Variants in CFAP46 observed in about 807,000 individuals in gnomAD.
CFAP46 encodes cilia- and flagella-associated protein 46.
Under a neutral mutation model 325.7 loss-of-function variants are expected in CFAP46, and 245 were observed. The ratio of observed to expected loss-of-function variants is 0.75; its 90% confidence interval spans 0.68 to 0.84. The LOEUF (loss-of-function observed/expected upper bound fraction) is 0.84. Ranked by LOEUF, CFAP46 falls within the 40% of genes least tolerant of loss-of-function variation. The pLI is 0.00. For missense variants in CFAP46, 3,346 were observed against 3,543.0 expected, an observed-to-expected ratio of 0.94 and a Z score of 1.41; for synonymous variants, 1,523 against 1,495.9, an observed-to-expected ratio of 1.02 and a Z score of -0.42.
intron 35 of CFAP46, among the ~76,000 whole-genome samples, chr10:132,863,479 A>G (rs1848753096): frequency 6.6e-6 from 1 of 152,114 alleles, no homozygotes; most frequent in African/African-American, 2.4e-5. Flanking sequence ...CCTGGTGTGC[A>G]CACACCCGTC....
At chr10:132,840,451 T>C (rs1343949151) in intron 44 of CFAP46, among the ~76,000 whole-genome samples, 3 of 152,246 alleles carry the variant, frequency 2.0e-5, no homozygotes, top group African/African-American at 7.2e-5. Flanking sequence ...TGATGTTGTA[T>C]TGATTTGTCC....
intron 54 of CFAP46, among the ~76,000 whole-genome samples, chr10:132,813,842 G>C (rs548555882): frequency 6.6e-6 from 1 of 152,328 alleles, no homozygotes; most frequent in African/African-American, 2.4e-5. Context: ...AGGGCATCTG[G>C]GGGGCAGAGT....
rs1033636137 is a variant in CFAP46, at chr10:132,816,403, C to G, written c.7118-1489G>C. Among the ~76,000 whole-genome samples the G allele has an allele frequency of 2.1e-3, 309 of 149,062 alleles. 5 individuals carry two copies. The highest frequency in any genetic ancestry group is 1.0e-4 in the Non-Finnish European group (7 of 67,568). On this transcript the variant is annotated intron_variant, in intron 50 of 57. Coordinates refer to ENST00000368586, the MANE Select transcript of CFAP46 (RefSeq NM_001200049.3). ...CTGGAGTGCAGTGGCGCGATCTCGGCTCACTGCAAGCTCCACCTCCCGGGT... is the reference window on the plus strand; with the variant it reads ...CTGGAGTGCAGTGGCGCGATCTCGGGTCACTGCAAGCTCCACCTCCCGGGT...
chr10:132,909,141 G>C lies in CFAP46; in HGVS notation c.2753C>G (p.Ala918Gly). Reference protein sequence around the residue: ...GLMDFTVPSLAQLVKMASECN... With the variant: ...GLMDFTVPSLGQLVKMASECN... Reference sequence around the variant, plus strand: ...GGGACCCCTGGGGACACCTACCTGGGCCAGGGAGGGGACAGTGAAGTCCAT... The same window carrying C: ...GGGACCCCTGGGGACACCTACCTGGCCCAGGGAGGGGACAGTGAAGTCCAT... Residue 918 changes from alanine to glycine, a missense_variant, in exon 21 of 58, where the codon GCC (alanine) becomes GGC (glycine). By Grantham distance (60) the Ala-to-Gly change is moderately conservative. Coordinates refer to ENST00000368586, the MANE Select transcript of CFAP46 (RefSeq NM_001200049.3). 4 of 1,547,942 alleles carry C rather than the reference G, an allele frequency of 2.6e-6. No individual in the cohort carries two copies. Among genetic ancestry groups the C allele is most frequent in the Non-Finnish European group, 3.5e-6 (4 of 1,145,628 alleles).
At chr10:132,908,362 G>T in intron 22 of CFAP46, 106 bp downstream of exon 22, 1 of 1,363,850 alleles carries the variant, frequency 7.3e-7, no homozygotes, top group Non-Finnish European at 1.0e-6. Flanking sequence ...TGCCCGTTTT[G>T]GGGAACTGGT....
At chr10:132,871,625 A>C (rs566570440) in intron 32 of CFAP46, among the ~76,000 whole-genome samples, 6 of 152,372 alleles carry the variant, frequency 3.9e-5, no homozygotes, top group African/African-American at 1.4e-4. Context: ...CAAGAGAAGT[A>C]GAATCAGAAG....
At chr10:132,822,701 G>C (rs1565036556) in intron 50 of CFAP46, among the ~76,000 whole-genome samples, 1 of 135,858 alleles carries the variant, frequency 7.4e-6, no homozygotes, top group East Asian at 2.4e-4. Flanking sequence ...TGTGTGCTGT[G>C]TGAGTGCTGA....
rs1355153474 is a variant in CFAP46 at position 132,942,025 on chromosome 10, G to A, written c.129C>T (p.Ser43=). ...LGKSEFDPSE[S]FSPDLFVLCA... is the part of the protein sequence containing the mutation. Reference sequence around the variant, plus strand: ...ACAGAACAAACAGGTCTGGGCTGAAGCTCTCTGAGGGGTCAAACTCCGATT... The same window carrying A: ...ACAGAACAAACAGGTCTGGGCTGAAACTCTCTGAGGGGTCAAACTCCGATT... Residue 43 remains serine, a synonymous_variant, in exon 2 of 58, where the codon AGC becomes AGT. Transcript: ENST00000368586. 7 of 1,551,762 alleles carry A rather than the reference G, an allele frequency of 4.5e-6. No homozygotes were observed. The highest frequency in any genetic ancestry group is 1.2e-5 in the South Asian group (1 of 84,066).
chr10:132,824,352 A>T (rs1348948355), intron 50 of CFAP46, among the ~76,000 whole-genome samples: 20 of 66,704 alleles, frequency 3.0e-4, no homozygotes, highest in African/African-American at 6.9e-4. Flanking sequence ...GTGCTGTGTG[A>T]GCGCTGATGT....
At chr10:132,878,473 T>C (rs1197957271) in intron 29 of CFAP46, among the ~76,000 whole-genome samples, 3 of 152,112 alleles carry the variant, frequency 2.0e-5, no homozygotes, top group Non-Finnish European at 4.4e-5. Flanking sequence ...CACGCCTCCT[T>C]GGCAGGCCCT....
Position 132,877,633 on chromosome 10 carries a change from C to G in CFAP46, c.4212+248G>C, listed in dbSNP as rs1392455394. 1.3e-5 allele frequency among the ~76,000 whole-genome samples: 2 copies of G among 152,086 alleles called. No individual in the cohort carries two copies. Among genetic ancestry groups the G allele is most frequent in the Non-Finnish European group, 2.9e-5 (2 of 68,000 alleles). ...CTTTACAGACATTCCCCTGTATTGT[C>G]CTCCAAGAACCCTGACAGGGAGAGA... On this transcript the variant is annotated intron_variant, in intron 30 of 57. Transcript: ENST00000368586. This position sits in a 1 kb window ranked among gnomAD's most constrained non-coding sequence, Gnocchi z 5.7.
rs1850088445 is a variant in CFAP46 at position 132,940,943 on chromosome 10, C to T, written c.371+53G>A. The T allele has an allele frequency of 3.2e-6, 5 of 1,557,816 alleles. No homozygotes were observed. The South Asian group carries it at 4.4e-5, about 14-fold the overall frequency. ...AATACACCCACTTGATAAGTTCTGG[C>T]TCTGAAGTCTTTCACCCAGTCAGTG... On this transcript the variant is annotated intron_variant, in intron 4 of 57. Coordinates refer to ENST00000368586, the MANE Select transcript of CFAP46 (RefSeq NM_001200049.3).
Position 132,916,677 on chromosome 10 carries a change from C to A in CFAP46, c.1992G>T (p.Thr664=). The change falls in exon 17 of 58, where the codon ACG becomes ACT. Residue 664 remains threonine (T), a synonymous_variant. Coordinates refer to ENST00000368586, the MANE Select transcript of CFAP46 (RefSeq NM_001200049.3). ...AEVGFIHAEA[T]VHLLRSEGVE... is the part of the protein sequence containing the mutation. ...CACCTTCTGACCGCAGCAAATGAAC[C>A]GTGGCCTGCAAAACACACATGCGGT... is the stretch of plus-strand genomic sequence containing the variant. 1 of 1,472,152 alleles carries A rather than the reference C, an allele frequency of 6.8e-7. No individual in the cohort carries two copies. The highest frequency in any genetic ancestry group is 1.4e-5 in the South Asian group (1 of 73,506). 91.2% of individuals were successfully genotyped at this position (1,472,152 alleles called of 1,614,324 possible).
chr10:132,880,214 G>A (rs543221381), intron 28 of CFAP46, among the ~76,000 whole-genome samples: 20 of 152,332 alleles, frequency 1.3e-4, no homozygotes, highest in South Asian at 1.0e-3. Context: ...GGGACTCTCC[G>A]TGCGCACCTG....
chr10:132,860,886 C>T lies in CFAP46; in HGVS notation c.4987G>A (p.Ala1663Thr), dbSNP rs775332280. 81 of 1,550,744 alleles carry T rather than the reference C, an allele frequency of 5.2e-5. No individual in the cohort carries two copies. The highest frequency in any genetic ancestry group is 6.6e-5 in the Non-Finnish European group (76 of 1,147,060). The change falls in exon 36 of 58, where the codon GCA (alanine) becomes ACA (threonine). Residue 1663 changes from alanine to threonine, a missense_variant. Physicochemically the swap from Ala to Thr is moderately conservative, Grantham distance 58 (BLOSUM62 0). Transcript: ENST00000368586. Reference protein sequence around the residue: ...KNYGQAKKMIAQAQHLGGSEE... With the variant: ...KNYGQAKKMITQAQHLGGSEE... ...CTTCCGCCCAGGTGCTGGGCCTGTG[C>T]GATCATTTTCTTGGCTTGTCCATAG...
chr10:132,861,160 C>T (rs528365591), intron 35 of CFAP46, among the ~76,000 whole-genome samples, 178 bp from the exon 36 acceptor site: 1 of 152,322 alleles, frequency 6.6e-6, no homozygotes, highest in Admixed American at 6.5e-5. Context: ...CCCATGGCCG[C>T]CCTCGCACTC....
intron 50 of CFAP46, among the ~76,000 whole-genome samples, chr10:132,830,877 T>C (rs1371636792): frequency 1.3e-5 from 2 of 152,278 alleles, no homozygotes; most frequent in East Asian, 1.9e-4. Context: ...ATAGCAGCCA[T>C]TGCTTTGCAG....
chr10:132,820,439 C>T (rs546511819), intron 50 of CFAP46, among the ~76,000 whole-genome samples: 2 of 152,254 alleles, frequency 1.3e-5, no homozygotes, highest in South Asian at 2.1e-4. Flanking sequence ...GGGTACACAG[C>T]GCTGATGTGT....
Position 132,885,209 on chromosome 10 carries a change from G to A in CFAP46, c.3521C>T (p.Ala1174Val). 1 of 1,550,492 alleles carries A rather than the reference G, an allele frequency of 6.4e-7. No individual in the cohort carries two copies. Among genetic ancestry groups the A allele is most frequent in the South Asian group, 1.2e-5 (1 of 84,046 alleles). The change falls in exon 27 of 58, where the codon GCC becomes GTC. Residue 1174 changes from alanine to valine, a missense_variant. By Grantham distance (64) the Ala-to-Val change is moderately conservative (BLOSUM62 0). Transcript: ENST00000368586. ...NFSMEIQKFK[A>V]ESEDYLARMW... is the part of the protein sequence containing the mutation. ...GCGCGCCAAGTAGTCCTCACTCTCGGCCTTGAATTTCTGTATTTCCATCGA... is the reference window on the plus strand; with the variant it reads ...GCGCGCCAAGTAGTCCTCACTCTCGACCTTGAATTTCTGTATTTCCATCGA...
Sources: gnomAD v4.1 joint callset for allele counts (sites outside exome capture counted in the v4.1 genomes callset) on GRCh38, gnomAD v4.1.1 for gene constraint, Gnocchi (gnomAD v3.1) non-coding constraint, MANE v1.5 for transcripts, NCBI Gene and HGNC (gene_info 2026-07-23, HGNC 2026-07-21) for gene names.